ANK2: variants seen among roughly 807,000 people sequenced by gnomAD.
ANK2 encodes ankyrin-2.
A neutral mutation model predicts 360.5 loss-of-function variants in ANK2; 83 were observed. The ratio of observed to expected loss-of-function variants is 0.23; its 90% CI spans 0.19 to 0.28. ANK2 has a LOEUF of 0.28. Ranked by LOEUF, ANK2 falls within the 10% of genes least tolerant of loss-of-function variation. The pLI, the probability that ANK2 is intolerant of heterozygous loss-of-function variation, is 1.00. For synonymous variants in ANK2, 1,740 were observed against 1,759.5 expected (o/e 0.99, Z 0.28); for missense variants, 4,201 against 4,795.7 (o/e 0.88, Z 3.66).
intron 1 of ANK2, among the ~76,000 whole-genome samples, chr4:112,854,571 AGAG>A (rs2065868151): frequency 6.6e-6 from 1 of 152,172 alleles, no homozygotes; most frequent in Non-Finnish European, 1.5e-5. Flanking sequence ...TGTGAGAATG[AGAG>A]GAGGTTAAAT....
At chr4:112,921,263 A>G (rs1460392095) in intron 2 of ANK2, among the ~76,000 whole-genome samples, 3 of 151,550 alleles carry the variant, frequency 2.0e-5, no homozygotes, top group African/African-American at 7.3e-5. Context: ...GAGCTCAAGC[A>G]ATTCTCCTGC....
Position 113,359,172 on chromosome 4 carries a change from T to C in ANK2, c.10554T>C (p.Asn3518=). Residue 3518 remains asparagine, a synonymous_variant, in exon 38 of 46, where the codon AAT becomes AAC. Transcript: ENST00000357077. ...CCCTGGAAGTATCAGTAATTGAAAA[T>C]CTGCCACCTGTTGAGACCGAGCACT... The part of the protein sequence containing the change: ...SSALEVSVIE[N]LPPVETEHSV... The C allele has an allele frequency of 1.9e-6, 3 of 1,613,304 alleles. No individual in the cohort carries two copies. Among genetic ancestry groups the C allele is most frequent in the Non-Finnish European group, 2.5e-6 (3 of 1,179,360 alleles).
Position 113,199,002 on chromosome 4 carries a change from C to A in ANK2, c.286-9C>A, listed in dbSNP as rs1428896172. On this transcript the variant is annotated splice_polypyrimidine_tract_variant and intron_variant, in intron 3 of 45. Transcript: ENST00000357077. ...CTTGAACATTTTCTATTTTGTTTCT[C>A]CAAAACAGAAGGGAAATACCGCTCT... 6.2e-7 allele frequency: 1 copy of A among 1,605,264 alleles called. No homozygotes were observed. The highest frequency in any genetic ancestry group is 8.5e-7 in the Non-Finnish European group (1 of 1,172,344).
chr4:112,970,320 G>T (rs555605411), intron 2 of ANK2, among the ~76,000 whole-genome samples: 1 of 151,712 alleles, frequency 6.6e-6, no homozygotes, highest in South Asian at 2.1e-4. Context: ...TCACATACAT[G>T]CTCATATATG....
the ANK2 span, chr4:112,739,074 A>G: frequency 5.5e-6 from 3 of 548,374 alleles, no homozygotes; most frequent in African/African-American, 5.7e-5. Context: ...CACCAACCCC[A>G]ATGCCAGGCT....
intron 43 of ANK2, among the ~76,000 whole-genome samples, chr4:113,370,997 C>T (rs2096718469): frequency 6.6e-6 from 1 of 151,900 alleles, no homozygotes; most frequent in Non-Finnish European, 1.5e-5. Flanking sequence ...ATGAATTAAA[C>T]TTAATTTAAT....
intron 1 of ANK2, among the ~76,000 whole-genome samples, chr4:112,891,901 G>A (rs191675204): frequency 2.6e-5 from 4 of 152,230 alleles, no homozygotes; most frequent in Admixed American, 6.5e-5. Flanking sequence ...TTCTGAAAGC[G>A]TTACCTAATA....
rs1254755522 is a variant in ANK2 at position 113,240,592 on chromosome 4, T to C, written c.792+9T>C. 2 of 1,597,022 alleles carry C rather than the reference T, an allele frequency of 1.3e-6. No homozygotes were observed. The highest frequency in any genetic ancestry group is 2.7e-5 in the African/African-American group (2 of 74,564). On this transcript the variant is annotated intron_variant, in intron 8 of 45. Coordinates refer to ENST00000357077, the MANE Select transcript of ANK2 (RefSeq NM_001148.6). Reference sequence around the variant, plus strand: ...TGGACTTCACAGCCAGGGTATGGATTGAAATAGTTTCTCATTCTAGATAGC... The same window carrying C: ...TGGACTTCACAGCCAGGGTATGGATCGAAATAGTTTCTCATTCTAGATAGC...
chr4:113,355,132 A>T lies in ANK2; in HGVS notation c.6514A>T (p.Ser2172Cys). The T allele has an allele frequency of 6.8e-6, 11 of 1,614,152 alleles. No homozygotes were observed. The highest frequency in any genetic ancestry group is 9.3e-6 in the Non-Finnish European group (11 of 1,179,984). ...AQLHLDQVLTSPFNTTFPLDY... is the reference protein window; with the variant it reads ...AQLHLDQVLTCPFNTTFPLDY... ...GCTTCACTTAGACCAAGTACTCACTAGTCCTTTCAACACAACATTTCCACT... is the reference window on the plus strand; with the variant it reads ...GCTTCACTTAGACCAAGTACTCACTTGTCCTTTCAACACAACATTTCCACT... Residue 2172 changes from serine (S) to cysteine (C), a missense_variant, in exon 38 of 46, where the codon AGT becomes TGT. Transcript: ENST00000357077.
chr4:112,840,173 T>C (rs1048225153), intron 1 of ANK2, among the ~76,000 whole-genome samples: 2 of 152,198 alleles, frequency 1.3e-5, no homozygotes, highest in African/African-American at 4.8e-5. Context: ...GTGTGGTTTG[T>C]AGATCAACTG....
chr4:113,295,387 G>A (rs1357933924), intron 22 of ANK2, among the ~76,000 whole-genome samples: 1 of 152,194 alleles, frequency 6.6e-6, no homozygotes, highest in East Asian at 1.9e-4. Context: ...ATATTACTCA[G>A]GTGAATGACT....
intron 1 of ANK2, among the ~76,000 whole-genome samples, chr4:113,078,835 G>C (rs912029619): frequency 2.0e-5 from 3 of 152,132 alleles, no homozygotes; most frequent in Non-Finnish European, 4.4e-5. Flanking sequence ...GAGTATTTTA[G>C]GTTTAGCCAT....
intron 1 of ANK2, among the ~76,000 whole-genome samples, chr4:113,068,537 C>G (rs191511304): frequency 1.3e-5 from 2 of 152,240 alleles, no homozygotes; most frequent in East Asian, 3.9e-4. Context: ...GAAAATTGTA[C>G]AGCGAAGCAC....
intron 1 of ANK2, among the ~76,000 whole-genome samples, chr4:112,859,169 T>TATAACCAA (rs1430078831): frequency 2.0e-5 from 3 of 151,800 alleles, no homozygotes; most frequent in African/African-American, 7.3e-5. Context: ...AACCAGTGTA[T>TATAACCAA]ATAACCAACC....
At chr4:113,374,892 G>A (rs747568364) in intron 45 of ANK2, 5 of 1,259,100 alleles carry the variant, frequency 4.0e-6, no homozygotes, top group African/African-American at 3.1e-5. Context: ...AGAAACATCT[G>A]GGGGATTCTA....
intron 1 of ANK2, among the ~76,000 whole-genome samples, chr4:112,842,015 C>CT (rs560235013): frequency 2.1e-4 from 32 of 149,000 alleles, no homozygotes; most frequent in East Asian, 3.9e-4. Flanking sequence ...TTTTTCTTTT[C>CT]TTTTTTTTTT....
the ANK2 span, among the ~76,000 whole-genome samples, chr4:112,809,932 T>A: frequency 6.6e-6 from 1 of 151,410 alleles, no homozygotes; most frequent in African/African-American, 2.4e-5. Flanking sequence ...TACATTTTAC[T>A]GTACAACATT....
chr4:113,125,470 A>G (rs1298516018), intron 1 of ANK2, among the ~76,000 whole-genome samples: 1 of 152,230 alleles, frequency 6.6e-6, no homozygotes, highest in Non-Finnish European at 1.5e-5. Context: ...TACTAAGTTA[A>G]TAAAGTATAT....
At chr4:113,361,023 AAG>A (rs1465225350) in intron 39 of ANK2, 126 bp downstream of exon 39, 2 of 863,524 alleles carry the variant, frequency 2.3e-6, no homozygotes, top group African/African-American at 3.4e-5. Context: ...AGAATAAACT[AAG>A]AACTAGAAAA....
Sources: gnomAD v4.1 joint callset for allele counts (sites outside exome capture counted in the v4.1 genomes callset) on GRCh38, gnomAD v4.1.1 for gene constraint, MANE v1.5 for transcripts, NCBI Gene and HGNC (gene_info 2026-07-23, HGNC 2026-07-21) for gene names.